The following CCDC91 variants were observed in gnomAD, a reference collection of about 807,000 sequenced individuals.
CCDC91 encodes coiled-coil domain-containing protein 91.
Under a neutral mutation model 63.2 loss-of-function variants are expected in CCDC91, and 48 were observed. The observed-to-expected ratio is 0.76, with a 90% CI of 0.60 to 0.97. CCDC91 has a LOEUF of 0.97. Ranked by LOEUF, CCDC91 falls within the 50% of genes least tolerant of loss-of-function variation. CCDC91 has a pLI of 0.00. For synonymous variants in CCDC91, 167 were observed against 165.8 expected (o/e 1.01, Z -0.06); for missense variants, 500 against 494.6 (o/e 1.01, Z -0.10).
chr12:28,386,444 C>T (rs1945604641), intron 7 of CCDC91, among the ~76,000 whole-genome samples: 1 of 152,160 alleles, frequency 6.6e-6, no homozygotes, highest in Non-Finnish European at 1.5e-5. Context: ...TCTCAGCTCA[C>T]TGTAACCTCT....
intron 6 of CCDC91, among the ~76,000 whole-genome samples, chr12:28,351,288 C>T (rs2138256494): frequency 6.6e-6 from 1 of 152,258 alleles, no homozygotes; most frequent in East Asian, 1.9e-4. Context: ...AATGGTGGTA[C>T]AGGCATCAGA....
chr12:28,336,732 C>T lies in CCDC91; in HGVS notation c.577-25706C>T, dbSNP rs1161118236. Among the ~76,000 whole-genome samples, 3 of 152,048 alleles carry T rather than the reference C, an allele frequency of 2.0e-5. No individual in the cohort carries two copies. The East Asian group carries it at 5.8e-4, about 29-fold the overall frequency. ...ATAGGAAGGTCTGACATTGTTCATGCTTTTGCAGCTACAGGTAATTCATTT... is the reference window on the plus strand; with the variant it reads ...ATAGGAAGGTCTGACATTGTTCATGTTTTTGCAGCTACAGGTAATTCATTT... On this transcript the variant is annotated intron_variant, in intron 6 of 12. Coordinates refer to ENST00000536442, the MANE Select transcript of CCDC91 (RefSeq NM_018318.5).
chr12:28,237,820 A>AG (rs1198304058), intron 1 of CCDC91, among the ~76,000 whole-genome samples: 7 of 152,338 alleles, frequency 4.6e-5, no homozygotes, highest in Admixed American at 4.6e-4. Flanking sequence ...ATCATAGAAT[A>AG]GGAAGGGATC....
intron 1 of CCDC91, among the ~76,000 whole-genome samples, chr12:28,242,333 G>T (rs1408896500): frequency 6.6e-6 from 1 of 152,196 alleles, no homozygotes; most frequent in Admixed American, 6.5e-5. Flanking sequence ...GCGCTTGCCT[G>T]ACTTGTGTCC....
rs369791947 is a variant in CCDC91 at position 28,476,264 on chromosome 12, A to G, written c.1102-7788A>G. On this transcript the variant is annotated intron_variant, in intron 11 of 12. Transcript: ENST00000536442. ...CAAATGCAAAAGAACAGAAATAACA[A>G]CAAACTGTCTCTCAGACCACAGTGC... Among the ~76,000 whole-genome samples, 4 of 152,188 alleles carry G rather than the reference A, an allele frequency of 2.6e-5. No homozygotes were observed. The East Asian group carries it at 5.8e-4, about 22-fold the overall frequency.
intron 10 of CCDC91, among the ~76,000 whole-genome samples, chr12:28,451,855 G>A (rs1592713016): frequency 6.6e-6 from 1 of 151,672 alleles, no homozygotes; most frequent in African/African-American, 2.4e-5. Context: ...TAAATACTCA[G>A]TTTTTCCTAC....
chr12:28,311,896 T>G (rs779409834), intron 6 of CCDC91, among the ~76,000 whole-genome samples: 8 of 152,000 alleles, frequency 5.3e-5, no homozygotes, highest in Non-Finnish European at 1.2e-4. Flanking sequence ...GTTTGGGATA[T>G]ATGAGGCTAA....
chr12:28,282,961 A>G (rs1948696023), intron 3 of CCDC91, among the ~76,000 whole-genome samples: 1 of 152,188 alleles, frequency 6.6e-6, no homozygotes, highest in East Asian at 1.9e-4. Flanking sequence ...ATTTAATAGT[A>G]TGGTGTCCTT....
At chr12:28,279,945 A>G (rs2136549636) in intron 3 of CCDC91, among the ~76,000 whole-genome samples, 1 of 152,266 alleles carries the variant, frequency 6.6e-6, no homozygotes, top group African/African-American at 2.4e-5. Flanking sequence ...AAATATGATA[A>G]CATCATATCT....
intron 11 of CCDC91, among the ~76,000 whole-genome samples, chr12:28,460,958 A>C (rs1393729763): frequency 6.6e-6 from 1 of 152,026 alleles, no homozygotes; most frequent in Non-Finnish European, 1.5e-5. Flanking sequence ...TGCAAATCTC[A>C]TAGAGTGTAC....
At chr12:28,449,669 T>C (rs998397945) in intron 8 of CCDC91, among the ~76,000 whole-genome samples, 15 of 152,012 alleles carry the variant, frequency 9.9e-5, no homozygotes, top group Admixed American at 2.0e-4. Context: ...GAATCTGTGG[T>C]AAAATCTTGA....
intron 12 of CCDC91, among the ~76,000 whole-genome samples, chr12:28,502,037 G>A (rs1592868034): frequency 6.6e-6 from 1 of 152,022 alleles, no homozygotes; most frequent in African/African-American, 2.4e-5. Context: ...GTATTTCTGT[G>A]GGATTGGTGG....
chr12:28,391,090 GC>G (rs1191440177), intron 7 of CCDC91, among the ~76,000 whole-genome samples: 1 of 152,016 alleles, frequency 6.6e-6, no homozygotes. Context: ...GAACGTCTGA[GC>G]CAAAAAATTG....
intron 12 of CCDC91, among the ~76,000 whole-genome samples, chr12:28,498,444 A>G (rs1952430473): frequency 6.6e-6 from 1 of 151,608 alleles, no homozygotes; most frequent in Non-Finnish European, 1.5e-5. Context: ...TTATCTGCTG[A>G]TATCTCCAAA....
intron 6 of CCDC91, among the ~76,000 whole-genome samples, chr12:28,330,838 T>G (rs920953126): frequency 6.6e-6 from 1 of 152,186 alleles, no homozygotes; most frequent in Non-Finnish European, 1.5e-5. Context: ...AACAATCCAG[T>G]GGGTTATAGG....
chr12:28,228,215 G>A (rs1944389984), intron 1 of CCDC91, among the ~76,000 whole-genome samples: 1 of 152,008 alleles, frequency 6.6e-6, no homozygotes, highest in African/African-American at 2.4e-5. Flanking sequence ...TTTTGGCTAT[G>A]TCTTTGCCAG....
chr12:28,313,701 CTA>C (rs1055790283), intron 6 of CCDC91, among the ~76,000 whole-genome samples: 1 of 152,036 alleles, frequency 6.6e-6, no homozygotes, highest in African/African-American at 2.4e-5. Context: ...ACTGTGAACT[CTA>C]TAGTACAATG....
intron 8 of CCDC91, among the ~76,000 whole-genome samples, chr12:28,425,084 G>T (rs1948234291): frequency 6.6e-6 from 1 of 151,884 alleles, no homozygotes; most frequent in Admixed American, 6.6e-5. Flanking sequence ...ATTTCAAAAG[G>T]CTTTATTTAG....
At chr12:28,335,042 AAT>A (rs1225436514) in intron 6 of CCDC91, among the ~76,000 whole-genome samples, 2 of 146,446 alleles carry the variant, frequency 1.4e-5, no homozygotes, top group Non-Finnish European at 3.0e-5. Context: ...TAAAATATTT[AAT>A]ATATAAATAT....
Sources: allele counts gnomAD v4.1 joint callset (sites outside exome capture counted in the v4.1 genomes callset), GRCh38; gene constraint gnomAD v4.1.1; transcripts MANE v1.5; gene names NCBI Gene and HGNC (gene_info 2026-07-23, HGNC 2026-07-21).